The following TUSC3 variants were observed in gnomAD, a reference collection of about 807,000 sequenced individuals.
The protein encoded by TUSC3 is dolichyl-diphosphooligosaccharide--protein glycosyltransferase subunit TUSC3.
TUSC3 carries 45 observed loss-of-function variants against 44.8 expected under a neutral mutation model. That is an observed-to-expected ratio of 1.00 (90% CI 0.79 to 1.29). TUSC3 has a LOEUF of 1.29. TUSC3 is among the 50% of genes most tolerant of loss of function. The probability of loss-of-function intolerance (pLI) is 0.00; values close to 1 mark genes in which losing one functional copy is unlikely to be tolerated. For missense variants in TUSC3, 519 were observed against 437.9 expected (o/e 1.19, Z -1.65); for synonymous variants, 212 against 152.9 (o/e 1.39, Z -2.85).
At chr8:15,685,802 C>A (rs1295716414) in intron 6 of TUSC3, among the ~76,000 whole-genome samples, 1 of 151,390 alleles carries the variant, frequency 6.6e-6, no homozygotes, top group Non-Finnish European at 1.5e-5. Context: ...CAAATTGGGC[C>A]TGACAAGCTT....
chr8:15,465,419 A>G (rs17121479), intron 1 of TUSC3, among the ~76,000 whole-genome samples: 236 of 152,290 alleles, frequency 1.5e-3, no homozygotes, highest in African/African-American at 5.0e-3. Flanking sequence ...CAAACCACCA[A>G]TGTGGTCCAC....
intron 1 of TUSC3, among the ~76,000 whole-genome samples, chr8:15,426,012 C>A (rs185064736): frequency 6.6e-6 from 1 of 151,874 alleles, no homozygotes; most frequent in Non-Finnish European, 1.5e-5. Flanking sequence ...TGAGGCTCTG[C>A]CTCTAAAAAA....
At chr8:15,777,026 C>CA in the TUSC3 span, among the ~76,000 whole-genome samples, 1 of 151,908 alleles carries the variant, frequency 6.6e-6, no homozygotes, top group Admixed American at 6.6e-5. Flanking sequence ...TTGTGAAATC[C>CA]AAAAAATGTA....
chr8:15,792,728 G>T, the TUSC3 span, among the ~76,000 whole-genome samples: 1 of 151,958 alleles, frequency 6.6e-6, no homozygotes, highest in East Asian at 1.9e-4. Flanking sequence ...TGATTATGGT[G>T]CCTCAGCTCC....
intron 6 of TUSC3, among the ~76,000 whole-genome samples, chr8:15,677,566 C>A (rs986150700): frequency 2.6e-5 from 4 of 152,164 alleles, no homozygotes; most frequent in Non-Finnish European, 5.9e-5. Flanking sequence ...GAGTTGAATT[C>A]TGCTTTTCTT....
At chr8:15,528,300 C>G (rs1440936427) in intron 2 of TUSC3, among the ~76,000 whole-genome samples, 1 of 152,128 alleles carries the variant, frequency 6.6e-6, no homozygotes, top group Non-Finnish European at 1.5e-5. Context: ...GTGATTACCT[C>G]ATTTGATGAG....
intron 6 of TUSC3, among the ~76,000 whole-genome samples, chr8:15,725,901 T>C (rs1400756660): frequency 1.3e-5 from 2 of 152,112 alleles, no homozygotes; most frequent in Non-Finnish European, 2.9e-5. Context: ...GAGGCCCAAA[T>C]TACTGAACTG....
At chr8:15,760,523 CTG>C (rs1248825522) in intron 10 of TUSC3, among the ~76,000 whole-genome samples, 1 of 152,128 alleles carries the variant, frequency 6.6e-6, no homozygotes, top group Non-Finnish European at 1.5e-5. Flanking sequence ...TAACTGCTGT[CTG>C]TGTTAGTTTA....
rs191761065 is a variant in TUSC3 at position 15,709,354 on chromosome 8, G to C, written c.799-21312G>C. ...TCTGAAAGCTTTTACCCCAATCCAA[G>C]TATGAGATAAGTCCTGTTAGAGAAA... On this transcript the variant is annotated intron_variant, in intron 6 of 10. Coordinates refer to ENST00000503731, the MANE Select transcript of TUSC3 (RefSeq NM_006765.4). Among the ~76,000 whole-genome samples the C allele has an allele frequency of 3.9e-5, 6 of 151,994 alleles. No homozygotes were observed. The East Asian group carries it at 5.8e-4, about 15-fold the overall frequency.
chr8:15,801,082 T>TA, the TUSC3 span, among the ~76,000 whole-genome samples: 3 of 152,152 alleles, frequency 2.0e-5, no homozygotes, highest in African/African-American at 7.2e-5. Context: ...GAAAGCAAGT[T>TA]TATTAAGAAA....
At chr8:15,517,311 C>A (rs1801230726) in intron 2 of TUSC3, among the ~76,000 whole-genome samples, 1 of 152,076 alleles carries the variant, frequency 6.6e-6, no homozygotes, top group Admixed American at 6.5e-5. Flanking sequence ...AGTCTCGTTT[C>A]TAGCAGTGCT....
the TUSC3 span, among the ~76,000 whole-genome samples, chr8:15,849,594 C>T: frequency 9.1e-4 from 139 of 152,252 alleles, no homozygotes; most frequent in African/African-American, 3.3e-3. Flanking sequence ...AGTGTGATTT[C>T]AACTGGGCAT....
chr8:15,536,095 A>G (rs1801518349), upstream of TUSC3, among the ~76,000 whole-genome samples: 2 of 152,212 alleles, frequency 1.3e-5, no homozygotes, highest in African/African-American at 4.8e-5. Context: ...GGAATACAAA[A>G]GATTGGACAC....
chr8:15,690,455 G>A (rs1022839307), intron 6 of TUSC3, among the ~76,000 whole-genome samples: 3 of 151,980 alleles, frequency 2.0e-5, no homozygotes, highest in African/African-American at 7.2e-5. Context: ...TAGGTTGTCT[G>A]TTTATGCTGT....
intron 1 of TUSC3, among the ~76,000 whole-genome samples, chr8:15,609,143 T>G (rs1804655407): frequency 6.6e-6 from 1 of 152,216 alleles, no homozygotes; most frequent in Admixed American, 6.6e-5. Flanking sequence ...ATAAAGTCAC[T>G]GAAAAAATTA....
chr8:15,471,111 G>C (rs73534258), intron 1 of TUSC3, among the ~76,000 whole-genome samples: 2,399 of 117,270 alleles, frequency 0.02, 68 homozygotes, highest in African/African-American at 0.076. Flanking sequence ...TGTGTGGTCA[G>C]AGGAGGTGCA....
chr8:15,658,064 C>T (rs541910420), intron 3 of TUSC3, among the ~76,000 whole-genome samples: 5 of 152,226 alleles, frequency 3.3e-5, no homozygotes, highest in East Asian at 3.9e-4. Context: ...AAAGCTTCCA[C>T]GTCTTAATAT....
At chr8:15,650,904 C>T (rs997209976) in intron 3 of TUSC3, 90 bp downstream of exon 3, 20 of 1,361,648 alleles carry the variant, frequency 1.5e-5, no homozygotes, top group Admixed American at 5.1e-5. Context: ...ATTCATTCAT[C>T]GTCTGAACCT....
At chr8:15,782,853 A>G in the TUSC3 span, among the ~76,000 whole-genome samples, 1 of 152,220 alleles carries the variant, frequency 6.6e-6, no homozygotes, top group Non-Finnish European at 1.5e-5. Context: ...CGTGTATTCA[A>G]CATAATCCTG....
Sources: gnomAD v4.1 joint callset for allele counts (sites outside exome capture counted in the v4.1 genomes callset) on GRCh38, gnomAD v4.1.1 for gene constraint, MANE v1.5 for transcripts, NCBI Gene and HGNC (gene_info 2026-07-23, HGNC 2026-07-21) for gene names.